The following LDAF1 variants were observed in gnomAD, a reference collection of about 807,000 sequenced individuals.
The protein encoded by LDAF1 is PROMETHIN.
In LDAF1, 7 loss-of-function variants were observed where a neutral mutation model predicts 13.5. That is an observed-to-expected ratio of 0.52 (90% CI 0.29 to 0.97). The LOEUF (loss-of-function observed/expected upper bound fraction) is 0.97, where lower values mean the gene tolerates loss of function less well. Among genes scored for constraint, LDAF1 ranks in the 50% least tolerant of loss-of-function variants. The pLI is 0.07. For synonymous variants in LDAF1, 69 were observed against 77.1 expected, an observed-to-expected ratio of 0.89 and a Z score of 0.55; for missense variants, 148 against 193.2, an observed-to-expected ratio of 0.77 and a Z score of 1.39.
rs564874756 is a variant in LDAF1, at chr16:21,161,074, T to C, written c.-98-11T>C. Reference sequence around the variant, plus strand: ...AAGACCACTAACGGCTTTTGTTTCCTCTGGTAACAGCAAGAGACAGAGCGA... The same window carrying C: ...AAGACCACTAACGGCTTTTGTTTCCCCTGGTAACAGCAAGAGACAGAGCGA... On this transcript the variant is annotated splice_polypyrimidine_tract_variant and intron_variant, in intron 1 of 4. Transcript: ENST00000233047. 27 of 1,507,696 alleles carry C rather than the reference T, an allele frequency of 1.8e-5. No homozygotes were observed. The South Asian group carries it at 3.7e-4, about 20-fold the overall frequency. The allele number at this position is 1,507,696 out of a possible 1,614,324, so 93.4% of individuals were successfully genotyped here.
At chr16:21,159,206 G>A in intron 1 of LDAF1, 1 of 968,930 alleles carries the variant, frequency 1.0e-6, no homozygotes, top group Non-Finnish European at 1.7e-6. Context: ...GCTGCAGAGA[G>A]ATCTGCAAGT....
chr16:21,166,354 C>A (rs560245816), intron 2 of LDAF1, among the ~76,000 whole-genome samples: 53 of 152,212 alleles, frequency 3.5e-4, no homozygotes, highest in African/African-American at 1.3e-3. Context: ...ATAAAACTTA[C>A]AATTCAGCGA....
chr16:21,170,647 T>C (rs369103900), intron 3 of LDAF1, 42 bp downstream of exon 3: 17 of 1,609,772 alleles, frequency 1.1e-5, no homozygotes, highest in Admixed American at 5.0e-5. Flanking sequence ...AATAATTCAA[T>C]TGGGAGAAAA....
chr16:21,174,263 C>T (rs919403607), intron 4 of LDAF1, 115 bp downstream of exon 4: 9 of 968,732 alleles, frequency 9.3e-6, no homozygotes, highest in Middle Eastern at 6.7e-4. Context: ...GAACATAGCT[C>T]GCTACAGCCT....
At chr16:21,174,447 T>C (rs2093121556) in intron 4 of LDAF1, among the ~76,000 whole-genome samples, 1 of 152,202 alleles carries the variant, frequency 6.6e-6, no homozygotes, top group Admixed American at 6.5e-5. Context: ...TCCTCCTGCC[T>C]CCACCTCCCA....
Position 21,172,087 on chromosome 16 carries a change from C to A in LDAF1, c.265+1482C>A, listed in dbSNP as rs572846581. Among the ~76,000 whole-genome samples the A allele has an allele frequency of 3.3e-5, 5 of 150,828 alleles. No homozygotes were observed. In the South Asian group the frequency reaches 1.1e-3, roughly 32 times the overall value. On this transcript the variant is annotated intron_variant, in intron 3 of 4. Transcript: ENST00000233047. The stretch of plus-strand genomic sequence containing the variant: ...CTTTATCAAAATACAGACTTTGGAT[C>A]TTTTGAGACCAGGAGTTCAAGACCA...
intron 1 of LDAF1, among the ~76,000 whole-genome samples, chr16:21,160,526 G>A (rs996013980): frequency 6.6e-6 from 1 of 152,128 alleles, no homozygotes; most frequent in Non-Finnish European, 1.5e-5. Context: ...ATAAAGAAGA[G>A]AAACAGGTCA....
intron 2 of LDAF1, among the ~76,000 whole-genome samples, chr16:21,162,616 C>T (rs1160576418): frequency 6.6e-6 from 1 of 152,014 alleles, no homozygotes; most frequent in Admixed American, 6.5e-5. Flanking sequence ...TTGGATAGCA[C>T]AGCGGGTCTA....
chr16:21,161,000 A>G, intron 1 of LDAF1, 85 bp from the exon 2 acceptor site: 2 of 1,355,418 alleles, frequency 1.5e-6, no homozygotes, highest in Admixed American at 7.0e-5. Context: ...CTGCATGCCC[A>G]CCATCAAGGT....
chr16:21,159,259 T>C, intron 1 of LDAF1: 1 of 1,362,448 alleles, frequency 7.3e-7, no homozygotes. Flanking sequence ...AACTAAGTAC[T>C]CGACTCCCCT....
At chr16:21,178,096 A>G (rs1883198819) in intron 4 of LDAF1, 1 of 601,202 alleles carries the variant, frequency 1.7e-6, no homozygotes, top group South Asian at 7.3e-5. Context: ...AAAGGAAACA[A>G]AACTGTAAGT....
rs548586975 is a variant in LDAF1 at position 21,179,874 on chromosome 16, C to T, written c.*318C>T. ...GACCCCAAAGCCTCAGGGCTTATGT[C>T]CAACGGTCCCATTGGGAGCAACAGT... On this transcript the variant is annotated 3_prime_UTR_variant, in exon 5 of 5. Coordinates refer to ENST00000233047, the MANE Select transcript of LDAF1 (RefSeq NM_001301771.2). 11 of 229,838 alleles carry T rather than the reference C, an allele frequency of 4.8e-5. No individual in the cohort carries two copies. The highest frequency in any genetic ancestry group is 9.1e-5 in the African/African-American group (4 of 43,742). The allele number at this position is 229,838 out of a possible 1,614,324, so 14.2% of individuals were successfully genotyped here. A position where few individuals can be genotyped will look rare whatever the true frequency, so the allele number is the denominator to read the frequency against.
At chr16:21,158,904 C>A (rs1238532299) in intron 1 of LDAF1, among the ~76,000 whole-genome samples, 158 bp downstream of exon 1, 2 of 151,972 alleles carry the variant, frequency 1.3e-5, no homozygotes, top group Non-Finnish European at 2.9e-5. Context: ...GTGTAAGGGG[C>A]GTCTCCTGCT....
intron 4 of LDAF1, among the ~76,000 whole-genome samples, chr16:21,175,125 GA>G (rs2093127431): frequency 6.6e-6 from 1 of 152,208 alleles, no homozygotes; most frequent in African/African-American, 2.4e-5. Context: ...TTTCAAAGGA[GA>G]TTTATTTTAA....
chr16:21,172,232 G>A (rs918068242), intron 3 of LDAF1, among the ~76,000 whole-genome samples: 4 of 151,460 alleles, frequency 2.6e-5, no homozygotes, highest in Non-Finnish European at 5.9e-5. Context: ...GATCACTGGA[G>A]GTCAGGAGTT....
At chr16:21,162,132 G>C (rs1291393012) in intron 2 of LDAF1, among the ~76,000 whole-genome samples, 1 of 151,892 alleles carries the variant, frequency 6.6e-6, no homozygotes, top group Non-Finnish European at 1.5e-5. Context: ...CTCCAGCCTG[G>C]GCGACAGAGC....
Position 21,160,566 on chromosome 16 carries a change from A to G in LDAF1, c.-98-519A>G, listed in dbSNP as rs531435180. Among the ~76,000 whole-genome samples, 5 of 152,214 alleles carry G rather than the reference A, an allele frequency of 3.3e-5. No homozygotes were observed. In the South Asian group the frequency reaches 1.0e-3, roughly 31 times the overall value. On this transcript the variant is annotated intron_variant, in intron 1 of 4. Transcript: ENST00000233047. ...TACTGTTGTACAAGGAAAGCTTTCT[A>G]GGGAGAATAAAAGGCAATGAGATTT...
At chr16:21,178,481 T>G in intron 4 of LDAF1, 1 of 764,928 alleles carries the variant, frequency 1.3e-6, no homozygotes, top group Non-Finnish European at 1.6e-6. Flanking sequence ...AACTTTTTTT[T>G]ATTGCTTAAT....
intron 1 of LDAF1, chr16:21,159,218 T>C: frequency 9.6e-7 from 1 of 1,038,952 alleles, no homozygotes. Flanking sequence ...TCTGCAAGTA[T>C]CAAAGGGGGC....
Sources: allele counts gnomAD v4.1 joint callset (sites outside exome capture counted in the v4.1 genomes callset), GRCh38; gene constraint gnomAD v4.1.1; transcripts MANE v1.5; gene names NCBI Gene and HGNC (gene_info 2026-07-23, HGNC 2026-07-21).